The following CUX2 variants were observed in gnomAD, a reference collection of about 807,000 sequenced individuals.
The protein encoded by CUX2 is homeobox protein cut-like 2.
Under a neutral mutation model 144.8 loss-of-function variants are expected in CUX2, and 40 were observed. That is an observed-to-expected ratio of 0.28 (90% CI 0.21 to 0.36). The LOEUF (loss-of-function observed/expected upper bound fraction) is 0.36. Ranked by LOEUF, CUX2 falls within the 10% of genes least tolerant of loss-of-function variation. The pLI, the probability that CUX2 is intolerant of heterozygous loss-of-function variation, is 1.00. For synonymous variants in CUX2, 827 were observed against 875.6 expected (o/e 0.94, Z 0.98); for missense variants, 1,615 against 1,994.0 (o/e 0.81, Z 3.62).
At chr12:111,125,266 G>T (rs575821371) in intron 1 of CUX2, among the ~76,000 whole-genome samples, 1 of 150,642 alleles carries the variant, frequency 6.6e-6, no homozygotes, top group Non-Finnish European at 1.5e-5. Flanking sequence ...TGCAACCTCC[G>T]CCTCTTGGGT....
At chr12:111,315,057 T>G (rs1169324943) in intron 16 of CUX2, among the ~76,000 whole-genome samples, 1 of 151,922 alleles carries the variant, frequency 6.6e-6, no homozygotes, top group Non-Finnish European at 1.5e-5. Context: ...AAACGTTTGC[T>G]CTCCATGGGC....
intron 16 of CUX2, among the ~76,000 whole-genome samples, chr12:111,314,639 T>TAAAAAAAAAAA (rs954472479): frequency 1.1e-3 from 26 of 23,214 alleles, no homozygotes; most frequent in African/African-American, 2.4e-3. Context: ...AAACTCAGTC[T>TAAAAAAAAAAA]AAAAAAAAAA....
At position 111,310,579 on chromosome 12, in the gene CUX2, C is replaced by T. The variant is rs1340603704; in HGVS notation, c.1797C>T (p.Arg599=). The stretch of plus-strand genomic sequence containing the variant: ...TCCTAGCCCGGCCCAAGCCCTGGCG[C>T]AAGCTCACGGTGAAGGGCAAGGAGC... ...SEILARPKPW[R]KLTVKGKEPF... The change falls in exon 15 of 22, where the codon CGC becomes CGT. Residue 599 remains arginine (R), a synonymous_variant. Transcript: ENST00000261726. The surrounding 1 kb of genome is among the most constrained non-coding windows in gnomAD (Gnocchi z 7.9). 3 of 1,613,756 alleles carry T rather than the reference C, an allele frequency of 1.9e-6. No homozygotes were observed. The highest frequency in any genetic ancestry group is 2.2e-5 in the South Asian group (2 of 91,090).
At chr12:111,257,278 TTCC>T (rs201832742) in intron 3 of CUX2, among the ~76,000 whole-genome samples, 3,736 of 104,414 alleles carry the variant, frequency 0.036, 97 homozygotes, top group South Asian at 0.1. Context: ...CCTTTTCCTC[TTCC>T]TCCTCCTCCT....
In CUX2 at chr12:111,276,477, C is replaced by T. The variant is rs930643645; in HGVS notation, c.301+12638C>T. On this transcript the variant is annotated intron_variant, in intron 4 of 21. Coordinates refer to ENST00000261726, the MANE Select transcript of CUX2 (RefSeq NM_015267.4). Reference sequence around the variant, plus strand: ...ATACACCAGAGTCTGGCATTTGGGTCGCATTGGCTTGGTGGAAAGGCCTGG... The same window carrying T: ...ATACACCAGAGTCTGGCATTTGGGTTGCATTGGCTTGGTGGAAAGGCCTGG... Among the ~76,000 whole-genome samples the T allele has an allele frequency of 5.9e-5, 9 of 152,280 alleles. No individual in the cohort carries two copies. In the South Asian group the frequency reaches 6.2e-4, roughly 11 times the overall value.
At position 111,289,951 on chromosome 12, in the gene CUX2, T is replaced by G. The variant is rs929279906; in HGVS notation, c.302-1467T>G. On this transcript the variant is annotated intron_variant, in intron 4 of 21. Transcript: ENST00000261726. This position sits in a 1 kb window ranked among gnomAD's most constrained non-coding sequence, Gnocchi z 4.1. ...AGTGCTGGCCGAGGCCATGGGGGAGTCATCACTCCAAAGTCAGTCCTCAGA... is the reference window on the plus strand; with the variant it reads ...AGTGCTGGCCGAGGCCATGGGGGAGGCATCACTCCAAAGTCAGTCCTCAGA... 6.6e-6 allele frequency among the ~76,000 whole-genome samples: 1 copy of G among 151,732 alleles called. No homozygotes were observed. The highest frequency in any genetic ancestry group is 1.9e-4 in the East Asian group (1 of 5,174).
Position 111,104,297 on chromosome 12 carries a change from G to A in CUX2, c.63+70057G>A, listed in dbSNP as rs536752030. ...TCACATAGTATAAAAAACAGGATCC[G>A]TGTTGAATGCATGCATGGATTTGGG... On this transcript the variant is annotated intron_variant, in intron 1 of 21. Coordinates refer to ENST00000261726, the MANE Select transcript of CUX2 (RefSeq NM_015267.4). 5.9e-5 allele frequency among the ~76,000 whole-genome samples: 9 copies of A among 152,274 alleles called. No homozygotes were observed. The South Asian group carries it at 1.5e-3, about 25-fold the overall frequency.
rs1183613486 is a variant in CUX2, at chr12:111,320,192, C to T, written c.2183C>T (p.Pro728Leu). 2.0e-6 allele frequency: 3 copies of T among 1,532,762 alleles called. No homozygotes were observed. The highest frequency in any genetic ancestry group is 2.0e-5 in the Admixed American group (1 of 49,526). 94.9% of individuals were successfully genotyped at this position (1,532,762 alleles called of 1,614,324 possible). A position where few individuals can be genotyped will look rare whatever the true frequency, so the allele number is the denominator to read the frequency against. The part of the protein sequence containing the change: ...PRGRSVPPSP[P>L]ERPSLATASQ... ...GGCCGCTCGGTGCCCCCCTCGCCCCCGGAGCGGCCATCACTGGCCACCGCG... is the reference window on the plus strand; with the variant it reads ...GGCCGCTCGGTGCCCCCCTCGCCCCTGGAGCGGCCATCACTGGCCACCGCG... Residue 728 changes from proline to leucine, a missense_variant, in exon 17 of 22, where the codon CCG (proline) becomes CTG (leucine). Coordinates refer to ENST00000261726, the MANE Select transcript of CUX2 (RefSeq NM_015267.4). This position sits in a 1 kb window ranked among gnomAD's most constrained non-coding sequence, Gnocchi z 8.1.
intron 1 of CUX2, among the ~76,000 whole-genome samples, chr12:111,199,495 C>A (rs1017541093): frequency 1.3e-4 from 20 of 152,132 alleles, no homozygotes; most frequent in African/African-American, 4.8e-4. Context: ...TGAACCCAGC[C>A]CACACACCTA....
chr12:111,298,136 A>G (rs891750207), intron 8 of CUX2, among the ~76,000 whole-genome samples: 1 of 152,182 alleles, frequency 6.6e-6, no homozygotes, highest in African/African-American at 2.4e-5. Flanking sequence ...AAGCCCCTCC[A>G]TGCTGGCAGC....
intron 3 of CUX2, among the ~76,000 whole-genome samples, chr12:111,227,890 G>A (rs1882240605): frequency 6.6e-6 from 1 of 152,210 alleles, no homozygotes; most frequent in Non-Finnish European, 1.5e-5. Context: ...TGTGGCAACA[G>A]GTGGCCCCAG....
chr12:111,343,082 G>A (rs1231454210), intron 21 of CUX2, among the ~76,000 whole-genome samples: 3 of 151,876 alleles, frequency 2.0e-5, no homozygotes, highest in Non-Finnish European at 4.4e-5. Flanking sequence ...AAGGGACAGG[G>A]AAGGGTATTT....
In CUX2 at chr12:111,347,719, C is replaced by T. The variant is rs1275625398; in HGVS notation, c.3855C>T (p.Ser1285=). The change falls in exon 22 of 22, where the codon AGC becomes AGT. Residue 1285 remains serine (S), a synonymous_variant. Transcript: ENST00000261726. The part of the protein sequence containing the change: ...LELQEGPEEN[S]TPLTTQDKAQ... ...TTCAGGAGGGCCCTGAGGAGAACAG[C>T]ACACCCCTGACCACCCAGGACAAGG... 6.2e-7 allele frequency: 1 copy of T among 1,613,862 alleles called. No individual in the cohort carries two copies. The highest frequency in any genetic ancestry group is 8.5e-7 in the Non-Finnish European group (1 of 1,179,976).
chr12:111,270,260 C>T (rs1884576983), intron 4 of CUX2: 1 of 152,182 alleles, frequency 6.6e-6, no homozygotes. Flanking sequence ...CTCCTCCCCG[C>T]CACCCGAAGC....
chr12:111,163,122 A>C (rs1245171489), intron 1 of CUX2, among the ~76,000 whole-genome samples: 2 of 151,840 alleles, frequency 1.3e-5, no homozygotes, highest in Non-Finnish European at 2.9e-5. Context: ...TGGCTGCCTG[A>C]CCTTGAGCTT....
chr12:111,154,449 T>C (rs1877249537), intron 1 of CUX2, among the ~76,000 whole-genome samples: 1 of 152,002 alleles, frequency 6.6e-6, no homozygotes, highest in South Asian at 2.1e-4. Context: ...AGCCTTCTTT[T>C]CCTCCTCACT....
intron 4 of CUX2, among the ~76,000 whole-genome samples, chr12:111,274,136 G>T (rs1884754157): frequency 6.6e-6 from 1 of 152,060 alleles, no homozygotes; most frequent in African/African-American, 2.4e-5. Flanking sequence ...TTCACCATAG[G>T]CCAGGCTGGC....
chr12:111,298,490 G>T (rs1032664641), intron 8 of CUX2, 51 bp from the exon 9 acceptor site: 1 of 1,542,184 alleles, frequency 6.5e-7, no homozygotes, highest in Non-Finnish European at 8.8e-7. Flanking sequence ...AGGGGCGGGG[G>T]CCTGGAGCCC....
intron 1 of CUX2, among the ~76,000 whole-genome samples, chr12:111,129,096 C>CTTTAA (rs1305444943): frequency 6.6e-6 from 1 of 152,234 alleles, no homozygotes; most frequent in East Asian, 1.9e-4. Context: ...GGGCTATCTC[C>CTTTAA]ATGTGCCTCC....
Sources: allele counts gnomAD v4.1 joint callset (sites outside exome capture counted in the v4.1 genomes callset), GRCh38; gene constraint gnomAD v4.1.1; non-coding constraint Gnocchi (gnomAD v3.1); transcripts MANE v1.5; gene names NCBI Gene and HGNC (gene_info 2026-07-23, HGNC 2026-07-21).